CMTM8: variants seen among roughly 807,000 people sequenced by gnomAD.
CMTM8 encodes the protein CKLF like MARVEL transmembrane domain containing 8.
A neutral mutation model predicts 18.6 loss-of-function variants in CMTM8; 12 were observed. The observed-to-expected ratio is 0.65, with a 90% CI of 0.41 to 1.05. The LOEUF (loss-of-function observed/expected upper bound fraction) is 1.05. Ranked by LOEUF, CMTM8 falls within the 50% of genes least tolerant of loss-of-function variation. The pLI is 0.00. For synonymous variants in CMTM8, 87 were observed against 90.6 expected (o/e 0.96, Z 0.23); for missense variants, 217 against 227.2 (o/e 0.95, Z 0.29).
intron 1 of CMTM8, among the ~76,000 whole-genome samples, chr3:32,344,352 G>C (rs1696554774): frequency 6.6e-6 from 1 of 152,138 alleles, no homozygotes; most frequent in South Asian, 2.1e-4. Context: ...CAATAATGGT[G>C]CTCCTGCCAG....
chr3:32,282,447 G>C (rs77299785), intron 1 of CMTM8, among the ~76,000 whole-genome samples: 1 of 151,908 alleles, frequency 6.6e-6, no homozygotes, highest in African/African-American at 2.4e-5. Flanking sequence ...ATTATTTTTA[G>C]CTATGAGAAT....
chr3:32,365,802 A>G (rs1697022644), intron 2 of CMTM8, among the ~76,000 whole-genome samples: 1 of 152,130 alleles, frequency 6.6e-6, no homozygotes, highest in South Asian at 2.1e-4. Context: ...GGCCCAGGGA[A>G]CTGGCATTTC....
chr3:32,326,179 G>T (rs191041785), intron 1 of CMTM8, among the ~76,000 whole-genome samples: 2 of 152,190 alleles, frequency 1.3e-5, no homozygotes, highest in African/African-American at 4.8e-5. Flanking sequence ...CGTCACACTC[G>T]ATCGCATGAC....
intron 1 of CMTM8, among the ~76,000 whole-genome samples, chr3:32,268,163 T>C (rs1702377040): frequency 6.6e-6 from 1 of 152,202 alleles, no homozygotes; most frequent in African/African-American, 2.4e-5. Context: ...ATTGCAGCAC[T>C]ATTCACAGTA....
intron 1 of CMTM8, among the ~76,000 whole-genome samples, chr3:32,324,712 C>T (rs199947890): frequency 0.025 from 3,791 of 152,272 alleles, 156 homozygotes; most frequent in African/African-American, 0.086. Flanking sequence ...TACCTACCAA[C>T]CCCCTGCATC....
In CMTM8 at chr3:32,327,566, T is replaced by G. The variant is rs192805037; in HGVS notation, c.148-29807T>G. On this transcript the variant is annotated intron_variant, in intron 1 of 3. Coordinates refer to ENST00000307526, the MANE Select transcript of CMTM8 (RefSeq NM_178868.5). ...TTTGAGACTCCCAAGCAAAATTGGA[T>G]TTTTCTCAGTTGCAAAATACCAGAT... is the stretch of plus-strand genomic sequence containing the variant. 2.4e-3 allele frequency among the ~76,000 whole-genome samples: 364 copies of G among 152,352 alleles called. 1 individual carries two copies. Among genetic ancestry groups the G allele is most frequent in the African/African-American group, 7.7e-3 (321 of 41,586 alleles).
chr3:32,280,507 A>G (rs1181319576), intron 1 of CMTM8, among the ~76,000 whole-genome samples: 3 of 152,086 alleles, frequency 2.0e-5, no homozygotes, highest in African/African-American at 7.3e-5. Context: ...CCACTTCTTT[A>G]TTTACATAGG....
chr3:32,313,812 T>C (rs1256880779), intron 1 of CMTM8, among the ~76,000 whole-genome samples: 2 of 152,080 alleles, frequency 1.3e-5, no homozygotes, highest in Non-Finnish European at 2.9e-5. Flanking sequence ...TGTGCTGTTA[T>C]AGAAAAAAAC....
At chr3:32,259,933 C>T (rs1318449098) in intron 1 of CMTM8, 2 of 1,139,102 alleles carry the variant, frequency 1.8e-6, no homozygotes, top group Non-Finnish European at 2.6e-6. Flanking sequence ...CCCGCTACAC[C>T]CTGCAGATAG....
chr3:32,341,431 T>G (rs936522015), intron 1 of CMTM8, among the ~76,000 whole-genome samples: 1 of 152,202 alleles, frequency 6.6e-6, no homozygotes, highest in African/African-American at 2.4e-5. Context: ...CTCTTTTTTT[T>G]AAGGTATTAA....
chr3:32,341,003 T>G (rs1472989675), intron 1 of CMTM8, among the ~76,000 whole-genome samples: 1 of 152,250 alleles, frequency 6.6e-6, no homozygotes, highest in Non-Finnish European at 1.5e-5. Flanking sequence ...TTGGAATTCA[T>G]TGAATTAAGA....
chr3:32,357,578 G>A, intron 2 of CMTM8, 32 bp downstream of exon 2: 1 of 1,607,726 alleles, frequency 6.2e-7, no homozygotes, highest in Non-Finnish European at 8.5e-7. Context: ...GTCTTGTCCA[G>A]TGCCCACTCG....
At position 32,369,915 on chromosome 3, in the gene CMTM8, C is replaced by G. The variant is rs749969072; in HGVS notation, c.470C>G (p.Ala157Gly). The G allele has an allele frequency of 1.2e-6, 2 of 1,609,292 alleles. No homozygotes were observed. Among genetic ancestry groups the G allele is most frequent in the East Asian group, 4.5e-5 (2 of 44,728 alleles). Residue 157 changes from alanine to glycine, a missense_variant, in exon 4 of 4, where the codon GCT becomes GGT. Ala to Gly is a moderately conservative substitution (Grantham distance 60). Coordinates refer to ENST00000307526, the MANE Select transcript of CMTM8 (RefSeq NM_178868.5). ...FFAFLVTICY[A>G]GNTYFSFIAW... The stretch of plus-strand genomic sequence containing the variant: ...GCCTTCCTGGTCACCATCTGCTACG[C>G]TGGAAATACATATTTCAGTTTTATA...
chr3:32,300,091 C>T (rs1481688086), intron 1 of CMTM8, among the ~76,000 whole-genome samples: 2 of 152,208 alleles, frequency 1.3e-5, no homozygotes, highest in Non-Finnish European at 2.9e-5. Flanking sequence ...CAGCAGTCTT[C>T]AGATCGAAGA....
At chr3:32,312,589 A>G (rs746095198) in intron 1 of CMTM8, among the ~76,000 whole-genome samples, 2 of 152,004 alleles carry the variant, frequency 1.3e-5, no homozygotes, top group African/African-American at 4.8e-5. Flanking sequence ...TTCCTCACCA[A>G]CCTTGAAGCT....
intron 1 of CMTM8, among the ~76,000 whole-genome samples, chr3:32,345,166 A>G (rs999974466): frequency 1.3e-5 from 2 of 152,168 alleles, no homozygotes; most frequent in Non-Finnish European, 1.5e-5. Flanking sequence ...CAGCATGGCA[A>G]GACCTCGTTT....
chr3:32,347,193 C>T (rs1696613520), intron 1 of CMTM8, among the ~76,000 whole-genome samples: 1 of 151,610 alleles, frequency 6.6e-6, no homozygotes, highest in African/African-American at 2.4e-5. Flanking sequence ...TTATTTAGAG[C>T]TGAGTGTTGT....
chr3:32,318,310 C>T (rs1357105175), intron 1 of CMTM8, among the ~76,000 whole-genome samples: 1 of 151,974 alleles, frequency 6.6e-6, no homozygotes, highest in Non-Finnish European at 1.5e-5. Flanking sequence ...TATACTTTTC[C>T]ATTTTTTAAC....
chr3:32,340,680 A>C (rs898571522), intron 1 of CMTM8, among the ~76,000 whole-genome samples: 1 of 152,252 alleles, frequency 6.6e-6, no homozygotes, highest in African/African-American at 2.4e-5. Flanking sequence ...TTGTAGTGTG[A>C]AAACAGCCAT....
Sources: allele counts gnomAD v4.1 joint callset (sites outside exome capture counted in the v4.1 genomes callset), GRCh38; gene constraint gnomAD v4.1.1; transcripts MANE v1.5; gene names NCBI Gene and HGNC (gene_info 2026-07-23, HGNC 2026-07-21).